The following SAMD4A variants were observed in gnomAD, a reference collection of about 807,000 sequenced individuals.
SAMD4A encodes protein Smaug homolog 1.
A neutral mutation model predicts 81.3 loss-of-function variants in SAMD4A; 33 were observed. That is an observed-to-expected ratio of 0.41 (90% CI 0.31 to 0.54). The LOEUF (loss-of-function observed/expected upper bound fraction) is 0.54. Ranked by LOEUF, SAMD4A falls within the 20% of genes least tolerant of loss-of-function variation. SAMD4A has a pLI of 0.37. For synonymous variants in SAMD4A, 389 were observed against 382.1 expected (o/e 1.02, Z -0.21); for missense variants, 854 against 951.1 (o/e 0.90, Z 1.34).
rs868236996 is a variant in SAMD4A, at chr14:54,706,527, C to T, written c.715+3947C>T. ...GGTTGAGGCAGGAGAATTGCTTGAA[C>T]CTGGGAGACAGAGGTTGTAGTGAGC... On this transcript the variant is annotated intron_variant, in intron 3 of 12. Transcript: ENST00000554335. Among the ~76,000 whole-genome samples the T allele has an allele frequency of 6.7e-5, 10 of 149,586 alleles. No homozygotes were observed. The South Asian group carries it at 1.1e-3, about 16-fold the overall frequency.
At chr14:54,626,443 G>C (rs1209314051) in intron 2 of SAMD4A, among the ~76,000 whole-genome samples, 1 of 152,120 alleles carries the variant, frequency 6.6e-6, no homozygotes, top group Non-Finnish European at 1.5e-5. Flanking sequence ...CTTATCTCTT[G>C]CACAACAGTG....
chr14:54,785,609 C>T (rs1376644190), intron 12 of SAMD4A, among the ~76,000 whole-genome samples: 1 of 152,230 alleles, frequency 6.6e-6, no homozygotes. Flanking sequence ...GAAGGGCTGT[C>T]TGCACACCTA....
chr14:54,653,888 C>T (rs367939624), intron 2 of SAMD4A, among the ~76,000 whole-genome samples: 2 of 152,254 alleles, frequency 1.3e-5, no homozygotes, highest in East Asian at 3.9e-4. Flanking sequence ...CTGTCTTAGC[C>T]GGGGAATCTT....
Position 54,760,434 on chromosome 14 carries a change from G to A in SAMD4A, c.1450G>A (p.Ala484Thr). Residue 484 changes from alanine to threonine, a missense_variant, in exon 7 of 13, where the codon GCC becomes ACC. Around this residue, in one of 3 missense-constraint regions of SAMD4A, gnomAD observed 428 missense variants for 471.2 expected, o/e 0.91. Coordinates refer to ENST00000554335, the MANE Select transcript of SAMD4A (RefSeq NM_015589.6). The stretch of plus-strand genomic sequence containing the variant: ...GCTGAGCAGCTGCGATGGGGAGCTG[G>A]CCGTCGCCCCCCTGCCAGAGGGGGA... ...HQLSSCDGEL[A>T]VAPLPEGDLP... The A allele has an allele frequency of 7.0e-7, 1 of 1,431,656 alleles. No homozygotes were observed. Among genetic ancestry groups the A allele is most frequent in the Non-Finnish European group, 9.1e-7 (1 of 1,102,314 alleles). 88.7% of individuals were successfully genotyped at this position (1,431,656 alleles called of 1,614,324 possible).
intron 3 of SAMD4A, among the ~76,000 whole-genome samples, chr14:54,730,495 C>A (rs1420551136): frequency 2.0e-5 from 3 of 152,182 alleles, no homozygotes; most frequent in Non-Finnish European, 4.4e-5. Flanking sequence ...TCTCTTCTTC[C>A]CCCGGAATGA....
chr14:54,671,809 C>G (rs886070410), intron 2 of SAMD4A, among the ~76,000 whole-genome samples: 3 of 152,144 alleles, frequency 2.0e-5, no homozygotes, highest in African/African-American at 7.2e-5. Flanking sequence ...TATCAGGGCT[C>G]AACGCATAGG....
chr14:54,721,396 C>T (rs974534195), intron 3 of SAMD4A, among the ~76,000 whole-genome samples: 1 of 152,166 alleles, frequency 6.6e-6, no homozygotes, highest in African/African-American at 2.4e-5. Context: ...GATAATGAAA[C>T]CAAACTTTAT....
intron 2 of SAMD4A, among the ~76,000 whole-genome samples, chr14:54,613,103 G>A (rs779783185): frequency 2.7e-4 from 40 of 149,126 alleles, no homozygotes; most frequent in Non-Finnish European, 4.4e-4. Flanking sequence ...GTGACAGAGC[G>A]AGACTCCATC....
intron 9 of SAMD4A, among the ~76,000 whole-genome samples, chr14:54,772,017 G>C (rs116905073): frequency 6.6e-6 from 1 of 152,312 alleles, no homozygotes; most frequent in Non-Finnish European, 1.5e-5. Flanking sequence ...ATCGCTTGTG[G>C]ATGTTCAACT....
chr14:54,771,241 T>C (rs1165298313), intron 9 of SAMD4A, among the ~76,000 whole-genome samples: 2 of 152,174 alleles, frequency 1.3e-5, no homozygotes, highest in Non-Finnish European at 2.9e-5. Flanking sequence ...TAAACAAACA[T>C]TTATTTAGCA....
At chr14:54,654,079 G>C (rs141843396) in intron 2 of SAMD4A, among the ~76,000 whole-genome samples, 64 of 152,334 alleles carry the variant, frequency 4.2e-4, no homozygotes, top group East Asian at 1.5e-3. Flanking sequence ...GGTTCTCAGG[G>C]ATTTTCTCAG....
chr14:54,595,009 T>G (rs1396544371), intron 2 of SAMD4A, among the ~76,000 whole-genome samples: 1 of 152,246 alleles, frequency 6.6e-6, no homozygotes, highest in Admixed American at 6.5e-5. Flanking sequence ...AATCCCATTT[T>G]ATTCATTCAT....
At chr14:54,641,789 A>C (rs1164882800) in intron 2 of SAMD4A, among the ~76,000 whole-genome samples, 1 of 152,072 alleles carries the variant, frequency 6.6e-6, no homozygotes, top group Admixed American at 6.5e-5. Flanking sequence ...GAAGTCAGTA[A>C]GTTTATTGTT....
intron 2 of SAMD4A, among the ~76,000 whole-genome samples, chr14:54,684,288 AGG>A (rs2140596274): frequency 6.6e-6 from 1 of 152,328 alleles, no homozygotes; most frequent in Admixed American, 6.5e-5. Flanking sequence ...CCACTTCCAA[AGG>A]GGGAGCAGCT....
intron 2 of SAMD4A, among the ~76,000 whole-genome samples, chr14:54,619,833 T>C (rs2034573955): frequency 6.6e-6 from 1 of 152,250 alleles, no homozygotes; most frequent in African/African-American, 2.4e-5. Flanking sequence ...TTCTTTTTTA[T>C]GGCTGCATAG....
intron 3 of SAMD4A, among the ~76,000 whole-genome samples, chr14:54,727,817 C>T (rs1331160644): frequency 6.6e-6 from 1 of 152,076 alleles, no homozygotes; most frequent in Non-Finnish European, 1.5e-5. Flanking sequence ...TGAACACGCA[C>T]GCGCACACAC....
At chr14:54,778,835 G>A (rs1271413495) in intron 11 of SAMD4A, among the ~76,000 whole-genome samples, 1 of 152,184 alleles carries the variant, frequency 6.6e-6, no homozygotes, top group Non-Finnish European at 1.5e-5. Flanking sequence ...CATGCATAAA[G>A]GGCATGATAG....
intron 2 of SAMD4A, among the ~76,000 whole-genome samples, chr14:54,615,800 T>A (rs940123517): frequency 6.6e-6 from 1 of 152,176 alleles, no homozygotes; most frequent in Non-Finnish European, 1.5e-5. Context: ...CATTAAAATA[T>A]TACTTAAAGT....
At chr14:54,739,060 T>TTC (rs1416560930) in intron 4 of SAMD4A, among the ~76,000 whole-genome samples, 1 of 140,522 alleles carries the variant, frequency 7.1e-6, no homozygotes, top group Non-Finnish European at 1.6e-5. Flanking sequence ...CTTTTCTTTT[T>TTC]TTTTTTTTTT....
Sources: allele counts gnomAD v4.1 joint callset (sites outside exome capture counted in the v4.1 genomes callset), GRCh38; gene constraint gnomAD v4.1.1; regional missense constraint gnomAD v4.1.1; transcripts MANE v1.5; gene names NCBI Gene and HGNC (gene_info 2026-07-23, HGNC 2026-07-21).